ERBB4: variants seen among roughly 807,000 people sequenced by gnomAD.
The protein encoded by ERBB4 is erb-b2 receptor tyrosine kinase 4.
Under a neutral mutation model 158.0 loss-of-function variants are expected in ERBB4, and 42 were observed. The observed-to-expected ratio is 0.27, with a 90% confidence interval of 0.21 to 0.34. The LOEUF is 0.34. ERBB4 is among the 10% of genes least tolerant of loss of function. The pLI is 1.00. For missense variants in ERBB4, 1,333 were observed against 1,624.1 expected, an observed-to-expected ratio of 0.82 and a Z score of 3.08; for synonymous variants, 583 against 558.7, an observed-to-expected ratio of 1.04 and a Z score of -0.61.
chr2:212,405,256 A>G (rs1010140558), intron 1 of ERBB4, among the ~76,000 whole-genome samples: 4 of 152,244 alleles, frequency 2.6e-5, no homozygotes, highest in South Asian at 2.1e-4. Flanking sequence ...ATCACTTATT[A>G]TCAGAGAAAT....
chr2:211,601,538 AC>A lies in ERBB4; in HGVS notation c.2301+17638del, dbSNP rs2068800759. On this transcript the variant is annotated intron_variant, in intron 19 of 27. Transcript: ENST00000342788. ...TTCATTGCTTGGAAATTTTGGAAAT[AC>A]CAGACAGGAGAAAAGATCCCCAAAT... Among the ~76,000 whole-genome samples the A allele has an allele frequency of 2.6e-5, 4 of 152,086 alleles. No individual in the cohort carries two copies. In the South Asian group the frequency reaches 8.3e-4, roughly 32 times the overall value.
At chr2:211,726,343 G>A (rs182403945) in intron 5 of ERBB4, among the ~76,000 whole-genome samples, 110 of 152,190 alleles carry the variant, frequency 7.2e-4, no homozygotes, top group Non-Finnish European at 1.4e-3. Context: ...ATCTAGAATT[G>A]AGTTCTCTGT....
chr2:212,097,887 G>A (rs1474533143), intron 2 of ERBB4, among the ~76,000 whole-genome samples: 2 of 152,150 alleles, frequency 1.3e-5, no homozygotes, highest in Non-Finnish European at 2.9e-5. Flanking sequence ...GAGAGTTATG[G>A]AGACAAAGAC....
chr2:212,122,395 AAAT>A (rs1365063683), intron 2 of ERBB4, among the ~76,000 whole-genome samples: 1 of 152,108 alleles, frequency 6.6e-6, no homozygotes, highest in African/African-American at 2.4e-5. Flanking sequence ...GTGGAACAAA[AAAT>A]AAGTTAGAAA....
At chr2:212,301,627 T>A (rs2135163) in intron 1 of ERBB4, among the ~76,000 whole-genome samples, 112,028 of 150,888 alleles carry the variant, frequency 0.74, 45,754 homozygotes, top group Non-Finnish European at 0.9. Flanking sequence ...TTGTAACAGG[T>A]CCTAATATTG....
At chr2:212,490,515 T>G (rs1205932555) in intron 1 of ERBB4, among the ~76,000 whole-genome samples, 1 of 151,778 alleles carries the variant, frequency 6.6e-6, no homozygotes, top group African/African-American at 2.4e-5. Flanking sequence ...TACTCTAGAG[T>G]TAAAAAACCA....
chr2:212,505,605 A>G (rs1691151062), intron 1 of ERBB4, among the ~76,000 whole-genome samples: 1 of 148,984 alleles, frequency 6.7e-6, no homozygotes, highest in South Asian at 2.1e-4. Flanking sequence ...GCTATTTCTG[A>G]GCTGTGTTTG....
intron 4 of ERBB4, among the ~76,000 whole-genome samples, chr2:211,767,897 A>G (rs2075592394): frequency 6.6e-6 from 1 of 152,290 alleles, no homozygotes; most frequent in East Asian, 1.9e-4. Context: ...TCAAAATGTA[A>G]TCATGCCCTC....
chr2:212,424,822 C>T (rs1343655045), intron 1 of ERBB4, among the ~76,000 whole-genome samples: 1 of 151,818 alleles, frequency 6.6e-6, no homozygotes, highest in Non-Finnish European at 1.5e-5. Flanking sequence ...TAGTTTATGT[C>T]TATAAACAAA....
In ERBB4 at chr2:211,673,261, T is replaced by C. The variant is rs752872176; in HGVS notation, c.1623-4A>G. On this transcript the variant is annotated splice_region_variant and splice_polypyrimidine_tract_variant and intron_variant, in intron 13 of 27. Transcript: ENST00000342788. ...ATTCTCAAACTCCCGAAATTCACTG[T>C]GAAAACATCAGCCACATGAGGAGGT... 1.9e-6 allele frequency: 3 copies of C among 1,608,988 alleles called. No individual in the cohort carries two copies. Among genetic ancestry groups the C allele is most frequent in the Non-Finnish European group, 2.6e-6 (3 of 1,175,458 alleles).
At chr2:211,911,821 CTT>C (rs201039133) in intron 3 of ERBB4, among the ~76,000 whole-genome samples, 326 of 137,248 alleles carry the variant, frequency 2.4e-3, no homozygotes, top group East Asian at 3.9e-3. Flanking sequence ...TTATTCTTTT[CTT>C]TTTTTTTTTT....
rs2062626238 is a variant in ERBB4 at position 211,383,864 on chromosome 2, T to C, written c.3678A>G (p.Ile1226Met). 6.2e-7 allele frequency: 1 copy of C among 1,614,144 alleles called. No individual in the cohort carries two copies. The highest frequency in any genetic ancestry group is 8.5e-7 in the Non-Finnish European group (1 of 1,180,024). Residue 1226 changes from isoleucine (I) to methionine (M), a missense_variant, in exon 28 of 28, where the codon ATA becomes ATG. Physicochemically the swap from Ile to Met is conservative, Grantham distance 10. Around this residue, in one of 5 missense-constraint regions of ERBB4, gnomAD observed 84 missense variants for 110.8 expected, o/e 0.76. Transcript: ENST00000342788. ...TCTTGGCCTTCTCTGGCATTGACAG[T>C]ATGTTGTTCTTCAGGTACTCAGCTT... The part of the protein sequence containing the change: ...LGKAEYLKNN[I>M]LSMPEKAKKA...
chr2:211,781,101 T>C (rs2076024848), intron 4 of ERBB4, among the ~76,000 whole-genome samples: 1 of 152,192 alleles, frequency 6.6e-6, no homozygotes, highest in East Asian at 1.9e-4. Context: ...GAAAGGCACA[T>C]CTATTTTACC....
intron 1 of ERBB4, among the ~76,000 whole-genome samples, chr2:212,257,607 A>C (rs1182844510): frequency 6.6e-6 from 1 of 152,180 alleles, no homozygotes; most frequent in Non-Finnish European, 1.5e-5. Context: ...CCTAAGCAGT[A>C]AGACCCGAAA....
chr2:212,184,974 C>T (rs536406798), intron 1 of ERBB4, among the ~76,000 whole-genome samples: 7 of 151,780 alleles, frequency 4.6e-5, no homozygotes, highest in South Asian at 2.1e-4. Flanking sequence ...ATACACACCA[C>T]GCATATGAAC....
intron 1 of ERBB4, among the ~76,000 whole-genome samples, chr2:212,303,436 G>A (rs2106214357): frequency 8.0e-6 from 1 of 124,668 alleles, no homozygotes; most frequent in African/African-American, 2.8e-5. Flanking sequence ...AAATTGGGAG[G>A]AACTTTGTTC....
intron 20 of ERBB4, among the ~76,000 whole-genome samples, chr2:211,498,701 G>A (rs1390371773): frequency 6.6e-6 from 1 of 152,022 alleles, no homozygotes. Context: ...AACTAAAAAC[G>A]GGGTCATTCC....
chr2:211,694,209 A>G (rs1294399570), intron 12 of ERBB4, among the ~76,000 whole-genome samples: 2 of 152,164 alleles, frequency 1.3e-5, no homozygotes, highest in Non-Finnish European at 2.9e-5. Context: ...AACTCACAAC[A>G]CTGTCTAAAT....
At chr2:211,551,317 T>C (rs887035675) in intron 20 of ERBB4, among the ~76,000 whole-genome samples, 2 of 152,210 alleles carry the variant, frequency 1.3e-5, no homozygotes, top group African/African-American at 4.8e-5. Context: ...GTAAAAATGA[T>C]AAATAATAAG....
Sources: gnomAD v4.1 joint callset for allele counts (sites outside exome capture counted in the v4.1 genomes callset) on GRCh38, gnomAD v4.1.1 for gene constraint, gnomAD v4.1.1 regional missense constraint, MANE v1.5 for transcripts, NCBI Gene and HGNC (gene_info 2026-07-23, HGNC 2026-07-21) for gene names.